The following CCL24 variants were observed in gnomAD, a reference collection of about 807,000 sequenced individuals.
The protein encoded by CCL24 is C-C motif chemokine 24.
Under a neutral mutation model 8.6 loss-of-function variants are expected in CCL24, and 6 were observed. That is an observed-to-expected ratio of 0.70 (90% CI 0.38 to 1.38). The LOEUF is 1.38. Ranked by LOEUF, CCL24 falls within the 40% of genes most tolerant of loss-of-function variation. CCL24 has a pLI of 0.02. For synonymous variants in CCL24, 59 were observed against 52.7 expected (o/e 1.12, Z -0.52); for missense variants, 126 against 147.1 (o/e 0.86, Z 0.74).
intron 1 of CCL24, among the ~76,000 whole-genome samples, chr7:75,820,106 C>CCTTCTTCTT (rs71534425): frequency 1.5e-4 from 11 of 72,118 alleles, no homozygotes; most frequent in African/African-American, 4.1e-4. Flanking sequence ...TCTTCTTCTT[C>CCTTCTTCTT]CTTCTTCTTC....
intron 1 of CCL24, among the ~76,000 whole-genome samples, chr7:75,819,944 G>A (rs1484887215): frequency 6.6e-6 from 1 of 151,906 alleles, no homozygotes; most frequent in Non-Finnish European, 1.5e-5. Context: ...GGAGGATGAG[G>A]CCACTTTTTA....
upstream of CCL24, among the ~76,000 whole-genome samples, chr7:75,815,067 G>A (rs1174976744): frequency 6.6e-5 from 10 of 152,094 alleles, no homozygotes; most frequent in Admixed American, 3.3e-4. Context: ...GGCCGGGAGC[G>A]GTGGCTCATG....
At chr7:75,814,467 G>A (rs1182878095), upstream of CCL24, among the ~76,000 whole-genome samples, 1 of 152,152 alleles carries the variant, frequency 6.6e-6, no homozygotes. Context: ...TGGGGAGGCT[G>A]AGGTGGAAGG....
At chr7:75,812,766 C>T (rs1284147741) in intron 2 of CCL24, among the ~76,000 whole-genome samples, 3 of 152,000 alleles carry the variant, frequency 2.0e-5, no homozygotes, top group African/African-American at 7.2e-5. Flanking sequence ...CCTGTCTCTC[C>T]TAAAAATACA....
chr7:75,812,195 C>T (rs531187329), intron 2 of CCL24, among the ~76,000 whole-genome samples: 2 of 152,092 alleles, frequency 1.3e-5, no homozygotes, highest in Admixed American at 1.3e-4. Context: ...AGCTGTCCTC[C>T]CGCCTTAGCC....
upstream of CCL24, among the ~76,000 whole-genome samples, chr7:75,814,070 T>A (rs1803835271): frequency 6.6e-6 from 1 of 152,204 alleles, no homozygotes; most frequent in South Asian, 2.1e-4. Context: ...TGTTGGCCAC[T>A]CCCTGTGGGA....
At chr7:75,820,406 C>T (rs1804021632) in intron 1 of CCL24, among the ~76,000 whole-genome samples, 1 of 152,052 alleles carries the variant, frequency 6.6e-6, no homozygotes, top group South Asian at 2.1e-4. Flanking sequence ...GTCTCGAACT[C>T]CTGGCCTCAG....
At chr7:75,814,261 T>C (rs1187772201), upstream of CCL24, among the ~76,000 whole-genome samples, 3 of 152,124 alleles carry the variant, frequency 2.0e-5, no homozygotes, top group East Asian at 5.8e-4. Flanking sequence ...TGATCAAGTG[T>C]GTGTAACAGA....
chr7:75,812,712 T>C (rs1373606939), intron 2 of CCL24, among the ~76,000 whole-genome samples: 5 of 152,076 alleles, frequency 3.3e-5, no homozygotes, highest in Non-Finnish European at 7.4e-5. Flanking sequence ...GGCAGATCAC[T>C]TCAGGTCAGA....
chr7:75,820,018 A>ACGTCGT (rs1230617445), intron 1 of CCL24, among the ~76,000 whole-genome samples: 6 of 104,818 alleles, frequency 5.7e-5, no homozygotes, highest in Admixed American at 2.0e-4. Flanking sequence ...TTAGTAAACT[A>ACGTCGT]CTTCTTCTTC....
At chr7:75,822,110 A>G (rs1197842077) in intron 1 of CCL24, among the ~76,000 whole-genome samples, 7 of 152,044 alleles carry the variant, frequency 4.6e-5, no homozygotes, top group Non-Finnish European at 7.4e-5. Flanking sequence ...TCAAAAAAAA[A>G]AGAAAAAAAA....
In CCL24 at chr7:75,811,147, T is replaced by TA. The variant is rs56657658; in HGVS notation, c.*648dup. ...CCCAGTCCTCCACGTTCATTTCCTT[T>TA]AAAAAAAAAAAAATTATGATTTTTT... On this transcript the variant is annotated 3_prime_UTR_variant, in exon 3 of 3. Transcript: ENST00000222902. Among the ~76,000 whole-genome samples the TA allele has an allele frequency of 0.11, 16,644 of 145,982 alleles. 1,078 individuals are homozygous for TA. Among genetic ancestry groups the TA allele is most frequent in the East Asian group, 0.21 (1,044 of 5,048 alleles).
At chr7:75,813,475 TC>T (rs1232947299) in intron 1 of CCL24, 52 bp from the exon 2 acceptor site, 4 of 1,418,722 alleles carry the variant, frequency 2.8e-6, no homozygotes, top group Non-Finnish European at 3.0e-6. Flanking sequence ...TCCCCTTGGC[TC>T]TGGGCCTCAG....
chr7:75,813,742 G>C lies in CCL24; in HGVS notation c.-27C>G. The C allele has an allele frequency of 6.3e-7, 1 of 1,599,080 alleles. No individual in the cohort carries two copies. Among genetic ancestry groups the C allele is most frequent in the Non-Finnish European group, 8.6e-7 (1 of 1,166,534 alleles). ...TCTCAGAGAGCAGAAGCACCAGCTC[G>C]GGGCTCAAAGCTGACGTGCAGGAGG... On this transcript the variant is annotated 5_prime_UTR_variant, in exon 1 of 3. Coordinates refer to ENST00000222902, the MANE Select transcript of CCL24 (RefSeq NM_002991.3).
upstream of CCL24, among the ~76,000 whole-genome samples, chr7:75,814,901 A>G (rs1803856336): frequency 6.6e-6 from 1 of 151,558 alleles, no homozygotes; most frequent in Non-Finnish European, 1.5e-5. Flanking sequence ...TCCCGCGCCG[A>G]CCAGATTCCC....
upstream of CCL24, among the ~76,000 whole-genome samples, chr7:75,818,371 T>C (rs1441449431): frequency 2.8e-5 from 4 of 145,332 alleles, no homozygotes; most frequent in Non-Finnish European, 4.5e-5. Flanking sequence ...CGCTTGAACC[T>C]GGGAGGCAGA....
chr7:75,820,178 TCTCC>T (rs1804015708), intron 1 of CCL24, among the ~76,000 whole-genome samples: 1 of 147,356 alleles, frequency 6.8e-6, no homozygotes, highest in Non-Finnish European at 1.5e-5. Flanking sequence ...TCCTTCTCCT[TCTCC>T]TTCTCCTTCT....
At chr7:75,820,845 A>ATCCC (rs1251688187) in intron 1 of CCL24, among the ~76,000 whole-genome samples, 3 of 146,060 alleles carry the variant, frequency 2.1e-5, no homozygotes, top group Admixed American at 6.8e-5. Context: ...CCATCCATCC[A>ATCCC]TCCCTCCACC....
upstream of CCL24, among the ~76,000 whole-genome samples, chr7:75,814,286 C>G (rs1554533830): frequency 6.6e-6 from 1 of 152,142 alleles, no homozygotes. Flanking sequence ...GAGAGGTCAG[C>G]TGGGCACGGG....
Sources: gnomAD v4.1 joint callset for allele counts (sites outside exome capture counted in the v4.1 genomes callset) on GRCh38, gnomAD v4.1.1 for gene constraint, MANE v1.5 for transcripts, NCBI Gene and HGNC (gene_info 2026-07-23, HGNC 2026-07-21) for gene names.